AVIL: variants seen among roughly 807,000 people sequenced by gnomAD.
AVIL encodes advillin.
In AVIL, 78 loss-of-function variants were observed where a neutral mutation model predicts 109.9. The ratio of observed to expected loss-of-function variants is 0.71; its 90% CI spans 0.59 to 0.86. The LOEUF is 0.86. Among genes scored for constraint, AVIL ranks in the 40% least tolerant of loss-of-function variants. The probability of loss-of-function intolerance (pLI) is 0.00; values close to 1 mark genes in which losing one functional copy is unlikely to be tolerated. For synonymous variants in AVIL, 367 were observed against 379.1 expected, an observed-to-expected ratio of 0.97 and a Z score of 0.37; for missense variants, 892 against 1,016.5, an observed-to-expected ratio of 0.88 and a Z score of 1.67.
rs1595175394 is a variant in AVIL at position 57,813,432 on chromosome 12, T to G, written c.142-9A>C. The G allele has an allele frequency of 1.2e-6, 2 of 1,611,750 alleles. No individual in the cohort carries two copies. Among genetic ancestry groups the G allele is most frequent in the Non-Finnish European group, 1.7e-6 (2 of 1,178,986 alleles). On this transcript the variant is annotated splice_polypyrimidine_tract_variant and intron_variant, in intron 3 of 19. Coordinates refer to ENST00000549994, the MANE Select transcript of AVIL (RefSeq NM_006576.4). ...CTGGCCACTCTCCGGGTCTGGGAGGTAGTCAGAGAGATCAGGTCAGAGGCC... is the reference window on the plus strand; with the variant it reads ...CTGGCCACTCTCCGGGTCTGGGAGGGAGTCAGAGAGATCAGGTCAGAGGCC...
In AVIL at chr12:57,809,961, C is replaced by T. The variant is rs1956013804; in HGVS notation, c.762-71G>A. 6 of 1,537,606 alleles carry T rather than the reference C, an allele frequency of 3.9e-6. No individual in the cohort carries two copies. The Admixed American group carries it at 1.1e-4, about 27-fold the overall frequency. On this transcript the variant is annotated intron_variant, in intron 7 of 19. Coordinates refer to ENST00000549994, the MANE Select transcript of AVIL (RefSeq NM_006576.4). ...ATCTTGTAGTCAACTAGATGTTGTT[C>T]TGGTTTGGTTTTAGTTTGGAGTTTC...
At chr12:57,818,489 C>G (rs1956123856) in intron 1 of AVIL, 140 bp downstream of exon 1, 1 of 152,178 alleles carries the variant, frequency 6.6e-6, no homozygotes, top group African/African-American at 2.4e-5. Context: ...GTTTGCAAAA[C>G]TGGCCAGCCA....
At chr12:57,812,244 G>A (rs745307195) in intron 4 of AVIL, among the ~76,000 whole-genome samples, 3 of 152,128 alleles carry the variant, frequency 2.0e-5, no homozygotes, top group Non-Finnish European at 4.4e-5. Flanking sequence ...GTGTTGCCTA[G>A]GCTGATCTTG....
At chr12:57,815,710 C>G in intron 2 of AVIL, 1 of 1,389,844 alleles carries the variant, frequency 7.2e-7, no homozygotes. Flanking sequence ...TGCAGACTCA[C>G]TGAGCAGGTG....
In AVIL at chr12:57,815,621, A is replaced by G. The variant is rs538532803; in HGVS notation, c.66+354T>C. 4.4e-5 allele frequency: 57 copies of G among 1,306,444 alleles called. No individual in the cohort carries two copies. In the East Asian group the frequency reaches 1.3e-3, roughly 30 times the overall value. 80.9% of individuals were successfully genotyped at this position (1,306,444 alleles called of 1,614,324 possible). ...GGAGCCAGGGTGCCCCGTGGAAGAC[A>G]TGTTCCATTTCTCTGATGGAAGCTG... On this transcript the variant is annotated intron_variant, in intron 2 of 19. Coordinates refer to ENST00000549994, the MANE Select transcript of AVIL (RefSeq NM_006576.4).
Position 57,806,411 on chromosome 12 carries a change from A to C in AVIL, c.1620T>G (p.Asn540Lys), listed in dbSNP as rs755557542. 1 of 1,613,966 alleles carries C rather than the reference A, an allele frequency of 6.2e-7. No homozygotes were observed. Residue 540 changes from asparagine (N) to lysine (K), a missense_variant, in exon 14 of 20, where the codon AAT becomes AAG. By Grantham distance (94) the Asn-to-Lys change is moderately conservative. Coordinates refer to ENST00000549994, the MANE Select transcript of AVIL (RefSeq NM_006576.4). ...VPAFASSLNS[N>K]DVFLLRTQAE... Reference sequence around the variant, plus strand: ...CCTGAGTTCGCAGCAGAAAGACATCATTGGAGTTTAGGGAGGAGGCAAAGG... The same window carrying C: ...CCTGAGTTCGCAGCAGAAAGACATCCTTGGAGTTTAGGGAGGAGGCAAAGG...
intron 3 of AVIL, 75 bp downstream of exon 3, chr12:57,814,077 C>G: frequency 1.3e-6 from 2 of 1,505,328 alleles, no homozygotes. Flanking sequence ...CTTCCCTCAC[C>G]AGCACATCTC....
chr12:57,814,570 A>C (rs1595176793), intron 2 of AVIL: 4 of 232,404 alleles, frequency 1.7e-5, no homozygotes, highest in East Asian at 1.0e-4. Context: ...CCAAGTACAA[A>C]CCCTTCTCTG....
Position 57,802,150 on chromosome 12 carries a change from C to CT in AVIL, c.2151+9dup. ...CAGGAAGTTAGAGCTTCCCTACTCT[C>CT]TTTTCTTACACTCCAAATGTTAGGG... is the stretch of plus-strand genomic sequence containing the variant. On this transcript the variant is annotated intron_variant, in intron 17 of 19. Coordinates refer to ENST00000549994, the MANE Select transcript of AVIL (RefSeq NM_006576.4). 1.2e-6 allele frequency: 2 copies of CT among 1,613,608 alleles called. No homozygotes were observed. The highest frequency in any genetic ancestry group is 1.7e-6 in the Non-Finnish European group (2 of 1,179,660).
chr12:57,815,625 T>A (rs1278865236), intron 2 of AVIL: 27 of 1,309,930 alleles, frequency 2.1e-5, no homozygotes, highest in African/African-American at 3.0e-5. Flanking sequence ...GAAGACATGT[T>A]CCATTTCTCT....
intron 4 of AVIL, among the ~76,000 whole-genome samples, chr12:57,812,843 C>T (rs933402707): frequency 2.0e-5 from 3 of 152,216 alleles, no homozygotes; most frequent in African/African-American, 7.2e-5. Flanking sequence ...GTGATGGACA[C>T]CTACGTTGCC....
At chr12:57,808,135 A>G in intron 11 of AVIL, 59 bp downstream of exon 11, 1 of 1,562,614 alleles carries the variant, frequency 6.4e-7, no homozygotes, top group Non-Finnish European at 8.8e-7. Flanking sequence ...CCCTGCCCCC[A>G]GCAGGACAGC....
intron 15 of AVIL, 63 bp downstream of exon 15, chr12:57,803,461 G>T (rs1955890440): frequency 6.2e-7 from 1 of 1,613,534 alleles, no homozygotes; most frequent in Middle Eastern, 1.6e-4. Flanking sequence ...TTTAGCCTTT[G>T]TGCAATTCAC....
chr12:57,809,416 G>A (rs1378672257), intron 9 of AVIL, among the ~76,000 whole-genome samples, 181 bp downstream of exon 9: 1 of 152,230 alleles, frequency 6.6e-6, no homozygotes, highest in Admixed American at 6.5e-5. Flanking sequence ...CTTCCCCAGA[G>A]CACACAGCTG....
At chr12:57,802,030 A>T in intron 17 of AVIL, 130 bp downstream of exon 17, 1 of 1,029,048 alleles carries the variant, frequency 9.7e-7, no homozygotes, top group Non-Finnish European at 1.4e-6. Flanking sequence ...AAAGGCAGGG[A>T]GTGGGATGGG....
intron 19 of AVIL, among the ~76,000 whole-genome samples, chr12:57,799,386 G>A (rs1183886638): frequency 1.3e-5 from 2 of 152,248 alleles, no homozygotes; most frequent in Non-Finnish European, 2.9e-5. Context: ...GGGCCAGATT[G>A]TATAGGCCTT....
At chr12:57,810,598 T>C in intron 6 of AVIL, 47 bp from the exon 7 acceptor site, 1 of 1,601,126 alleles carries the variant, frequency 6.2e-7, no homozygotes, top group Non-Finnish European at 8.5e-7. Context: ...GGGACCCCTT[T>C]CTGCCTGATG....
intron 11 of AVIL, 158 bp from the exon 12 acceptor site, chr12:57,807,885 G>A: frequency 9.2e-7 from 1 of 1,089,036 alleles, no homozygotes; most frequent in Non-Finnish European, 1.4e-6. Context: ...CATCACATTT[G>A]CATGATTTGA....
chr12:57,809,456 G>T, intron 9 of AVIL, 141 bp downstream of exon 9: 2 of 945,138 alleles, frequency 2.1e-6, no homozygotes, highest in Non-Finnish European at 3.2e-6. Context: ...TTGAATCCCA[G>T]TTTGTCTGCC....
Sources: allele counts gnomAD v4.1 joint callset (sites outside exome capture counted in the v4.1 genomes callset), GRCh38; gene constraint gnomAD v4.1.1; transcripts MANE v1.5; gene names NCBI Gene and HGNC (gene_info 2026-07-23, HGNC 2026-07-21).